OSBPL10: variants seen among roughly 807,000 people sequenced by gnomAD.
OSBPL10 encodes the protein oxysterol-binding protein-related protein 10.
Under a neutral mutation model 81.7 loss-of-function variants are expected in OSBPL10, and 49 were observed. The ratio of observed to expected loss-of-function variants is 0.60; its 90% confidence interval spans 0.48 to 0.76. The LOEUF (loss-of-function observed/expected upper bound fraction) is 0.76. Ranked by LOEUF, OSBPL10 falls within the 30% of genes least tolerant of loss-of-function variation. OSBPL10 has a pLI of 0.00. For missense variants in OSBPL10, 923 were observed against 987.8 expected, an observed-to-expected ratio of 0.93 and a Z score of 0.88; for synonymous variants, 419 against 383.6, an observed-to-expected ratio of 1.09 and a Z score of -1.08.
chr3:32,024,486 A>ATTTTTTTTTTTTTTTTTTTTTTTTGATT (rs34141476), intron 2 of OSBPL10, among the ~76,000 whole-genome samples: 1 of 111,768 alleles, frequency 8.9e-6, no homozygotes, highest in Non-Finnish European at 1.7e-5. Context: ...TGTGAATGGA[A>ATTTTTTTTTTTTTTTTTTTTTTTTGATT]TTTTTTTTTT....
chr3:31,709,034 T>C (rs1696168371), intron 6 of OSBPL10: 1 of 985,420 alleles, frequency 1.0e-6, no homozygotes, highest in East Asian at 1.1e-4. Flanking sequence ...CACCGGCGAA[T>C]TTAGGGGACC....
intron 7 of OSBPL10, among the ~76,000 whole-genome samples, chr3:31,693,978 C>A (rs1695634998): frequency 6.6e-6 from 1 of 152,114 alleles, no homozygotes; most frequent in Non-Finnish European, 1.5e-5. Context: ...CTATGTTGCT[C>A]AGGCTGGTCT....
At chr3:31,716,727 C>G (rs1696452239) in intron 6 of OSBPL10, among the ~76,000 whole-genome samples, 1 of 152,152 alleles carries the variant, frequency 6.6e-6, no homozygotes, top group Admixed American at 6.5e-5. Flanking sequence ...CTTGTGTAGG[C>G]ACAAGTTGAA....
intron 3 of OSBPL10, among the ~76,000 whole-genome samples, chr3:31,857,999 G>GTT (rs11290287): frequency 2.1e-5 from 3 of 139,746 alleles, no homozygotes; most frequent in African/African-American, 5.2e-5. Flanking sequence ...CACAGCCTGT[G>GTT]TTTTTTTTTT....
chr3:31,938,561 T>G (rs1046958300), intron 1 of OSBPL10, among the ~76,000 whole-genome samples: 1 of 152,084 alleles, frequency 6.6e-6, no homozygotes, highest in African/African-American at 2.4e-5. Context: ...CAGGCTGGAG[T>G]GCAGTGGTGC....
intron 4 of OSBPL10, among the ~76,000 whole-genome samples, chr3:31,764,526 G>T (rs1184140036): frequency 6.6e-6 from 1 of 152,210 alleles, no homozygotes; most frequent in East Asian, 1.9e-4. Context: ...AACGAAGGAA[G>T]AAGGATCGAG....
At chr3:31,917,072 A>C (rs976313013) in intron 1 of OSBPL10, among the ~76,000 whole-genome samples, 4 of 152,206 alleles carry the variant, frequency 2.6e-5, no homozygotes, top group African/African-American at 9.7e-5. Context: ...TGTGCACATC[A>C]ATAATGAGAT....
At chr3:32,046,323 G>T (rs933787340) in intron 2 of OSBPL10, among the ~76,000 whole-genome samples, 2 of 152,128 alleles carry the variant, frequency 1.3e-5, no homozygotes, top group African/African-American at 4.8e-5. Flanking sequence ...AATGTGTCCT[G>T]GTTGTCTCCC....
chr3:31,814,379 C>T (rs184085809), intron 4 of OSBPL10, among the ~76,000 whole-genome samples: 2 of 152,196 alleles, frequency 1.3e-5, no homozygotes, highest in African/African-American at 2.4e-5. Context: ...TCAAGTCCAC[C>T]GGAACCTGAG....
chr3:32,017,138 C>T (rs374671613), intron 2 of OSBPL10, among the ~76,000 whole-genome samples: 7 of 152,274 alleles, frequency 4.6e-5, no homozygotes, highest in African/African-American at 1.7e-4. Context: ...TGAACTCTGA[C>T]TTGTATGCCA....
At chr3:31,940,090 T>C (rs1376558473) in intron 1 of OSBPL10, among the ~76,000 whole-genome samples, 3 of 152,144 alleles carry the variant, frequency 2.0e-5, no homozygotes, top group Non-Finnish European at 4.4e-5. Flanking sequence ...CCAAGAGAAA[T>C]AGAAATATAT....
At chr3:32,022,963 G>A (rs1275772528) in intron 2 of OSBPL10, among the ~76,000 whole-genome samples, 1 of 152,102 alleles carries the variant, frequency 6.6e-6, no homozygotes, top group East Asian at 1.9e-4. Context: ...ACATCTGTGT[G>A]CCAGTGGATC....
intron 4 of OSBPL10, among the ~76,000 whole-genome samples, chr3:31,777,294 A>G (rs141727687): frequency 2.2e-4 from 34 of 152,364 alleles, no homozygotes; most frequent in African/African-American, 8.2e-4. Flanking sequence ...TTGTTAAAAC[A>G]TAATACACTT....
intron 3 of OSBPL10, among the ~76,000 whole-genome samples, chr3:31,856,069 TACACACACACACACACACACACACACAC>T (rs10576489): frequency 5.2e-5 from 7 of 134,444 alleles, no homozygotes; most frequent in Non-Finnish European, 9.4e-5. Flanking sequence ...ATGTTTATAT[TACACACACACACACACACACACACACAC>T]ACACACACAC....
chr3:31,673,058 C>G (rs1700366017), intron 8 of OSBPL10, among the ~76,000 whole-genome samples: 1 of 152,210 alleles, frequency 6.6e-6, no homozygotes, highest in South Asian at 2.1e-4. Flanking sequence ...CTAAACTCAT[C>G]TTGCCAAAAG....
intron 1 of OSBPL10, among the ~76,000 whole-genome samples, chr3:31,926,316 T>C (rs1281885273): frequency 7.6e-6 from 1 of 131,004 alleles, no homozygotes; most frequent in Non-Finnish European, 1.5e-5. Context: ...CTGCAATGTC[T>C]GGAAAGATTT....
intron 1 of OSBPL10, among the ~76,000 whole-genome samples, chr3:32,048,907 G>A (rs1699647400): frequency 6.6e-6 from 1 of 152,148 alleles, no homozygotes; most frequent in South Asian, 2.1e-4. Context: ...CAATGAAAGT[G>A]ACCTCTGGTT....
chr3:32,050,327 A>G (rs963135671), intron 1 of OSBPL10, among the ~76,000 whole-genome samples: 1 of 152,194 alleles, frequency 6.6e-6, no homozygotes, highest in Admixed American at 6.5e-5. Flanking sequence ...CAACGGTGGC[A>G]TGAATTCAGG....
At chr3:31,667,886 A>C (rs1289967672) in intron 10 of OSBPL10, among the ~76,000 whole-genome samples, 1 of 152,260 alleles carries the variant, frequency 6.6e-6, no homozygotes, top group African/African-American at 2.4e-5. Context: ...TATTCCAAGG[A>C]GATTCTGCTT....
Sources: gnomAD v4.1 joint callset for allele counts (sites outside exome capture counted in the v4.1 genomes callset) on GRCh38, gnomAD v4.1.1 for gene constraint, MANE v1.5 for transcripts, NCBI Gene and HGNC (gene_info 2026-07-23, HGNC 2026-07-21) for gene names.